ZNF85: variants seen among roughly 807,000 people sequenced by gnomAD.
ZNF85 encodes the protein zinc finger protein 85 (HPF4, HTF1).
A neutral mutation model predicts 53.9 loss-of-function variants in ZNF85; 50 were observed. The observed-to-expected ratio is 0.93, with a 90% confidence interval of 0.74 to 1.17. ZNF85 has a LOEUF of 1.17. Among genes scored for constraint, ZNF85 ranks in the 50% most tolerant of loss-of-function variants. The pLI is 0.00. For synonymous variants in ZNF85, 225 were observed against 226.1 expected (o/e 1.00, Z 0.04); for missense variants, 747 against 688.5 (o/e 1.08, Z -0.95).
intron 3 of ZNF85, among the ~76,000 whole-genome samples, chr19:20,946,992 T>A (rs1205290580): frequency 6.6e-6 from 1 of 151,650 alleles, no homozygotes; most frequent in African/African-American, 2.4e-5. Flanking sequence ...TTTAGTTGAT[T>A]CTTGTTTCTT....
intron 3 of ZNF85, among the ~76,000 whole-genome samples, chr19:20,947,830 C>T (rs1463783258): frequency 2.6e-5 from 4 of 151,350 alleles, no homozygotes; most frequent in Admixed American, 6.6e-5. Context: ...TTGTTGTTAT[C>T]CTCATTCTTC....
Position 20,950,522 on chromosome 19 carries a change from A to C in ZNF85, c.*220A>C, listed in dbSNP as rs951723201. On this transcript the variant is annotated 3_prime_UTR_variant, in exon 4 of 4. Coordinates refer to ENST00000328178, the MANE Select transcript of ZNF85 (RefSeq NM_003429.5). The stretch of plus-strand genomic sequence containing the variant: ...AGGTAAGATAATTCATATTGGAACA[A>C]ACTACAAGTGCAAACAATGTGGCAA... 2.4e-6 allele frequency: 1 copy of C among 411,504 alleles called. No individual in the cohort carries two copies. The highest frequency in any genetic ancestry group is 4.3e-6 in the Non-Finnish European group (1 of 235,242). 25.5% of individuals were successfully genotyped at this position (411,504 alleles called of 1,614,324 possible). A position where few individuals can be genotyped will look rare whatever the true frequency, so the allele number is the denominator to read the frequency against.
chr19:20,923,447 T>C lies in ZNF85; in HGVS notation c.3+44T>C, dbSNP rs141274564. 3.3e-4 allele frequency: 539 copies of C among 1,613,482 alleles called. 4 individuals are homozygous for C. The African/African-American group carries it at 6.6e-3, about 20-fold the overall frequency. On this transcript the variant is annotated intron_variant, in intron 1 of 3. Coordinates refer to ENST00000328178, the MANE Select transcript of ZNF85 (RefSeq NM_003429.5). Reference sequence around the variant, plus strand: ...CCATCCCGAGGGGGAAAGGGGTTGGTTGAAACCGGTGGGAAGCGGCTGTGG... The same window carrying C: ...CCATCCCGAGGGGGAAAGGGGTTGGCTGAAACCGGTGGGAAGCGGCTGTGG...
intron 1 of ZNF85, among the ~76,000 whole-genome samples, chr19:20,933,436 G>GA (rs1314499107): frequency 9.2e-5 from 14 of 151,582 alleles, no homozygotes; most frequent in African/African-American, 3.4e-4. Context: ...TTACAGGCCA[G>GA]AAAAATTAGG....
chr19:20,935,286 C>T (rs1413570924), intron 3 of ZNF85, among the ~76,000 whole-genome samples: 1 of 152,178 alleles, frequency 6.6e-6, no homozygotes, highest in South Asian at 2.1e-4. Flanking sequence ...GCAGTTAGAG[C>T]CAAAGTCCTC....
At chr19:20,942,871 G>C (rs754462196) in intron 3 of ZNF85, 5 of 694,504 alleles carry the variant, frequency 7.2e-6, no homozygotes, top group Admixed American at 6.1e-5. Context: ...AACCTTCTGG[G>C]GTCAAGTGAT....
chr19:20,946,515 G>A (rs879064419), intron 3 of ZNF85: 37 of 220,016 alleles, frequency 1.7e-4, no homozygotes, highest in Non-Finnish European at 2.8e-4. Context: ...GTGTTTCATC[G>A]ATTCTGTCAA....
At position 20,949,106 on chromosome 19, in the gene ZNF85, A is replaced by G. The variant is rs943893493; in HGVS notation, c.592A>G (p.Arg198Gly). ...AACTGAACATAGCAGAATTCATACTAGAGTAAATTTCTACAAATGTGAAGA... is the reference window on the plus strand; with the variant it reads ...AACTGAACATAGCAGAATTCATACTGGAGTAAATTTCTACAAATGTGAAGA... ...CLTEHSRIHT[R>G]VNFYKCEECG... Residue 198 changes from arginine (R) to glycine (G), a missense_variant, in exon 4 of 4, where the codon AGA (arginine) becomes GGA (glycine). Transcript: ENST00000328178. 1.9e-6 allele frequency: 3 copies of G among 1,613,568 alleles called. No individual in the cohort carries two copies. The highest frequency in any genetic ancestry group is 8.5e-7 in the Non-Finnish European group (1 of 1,179,716).
chr19:20,927,846 C>T, intron 1 of ZNF85: 1 of 152,410 alleles, frequency 6.6e-6, no homozygotes, highest in East Asian at 1.9e-4. Context: ...CATGCCACTA[C>T]ACTCCACCCT....
intron 3 of ZNF85, among the ~76,000 whole-genome samples, chr19:20,941,453 G>A (rs1973293678): frequency 1.3e-5 from 2 of 152,092 alleles, no homozygotes; most frequent in African/African-American, 4.8e-5. Context: ...AGTAGAGACG[G>A]GGTTTCACCG....
rs545150668 is a variant in ZNF85, at chr19:20,929,873, C to T, written c.4-4151C>T. Among the ~76,000 whole-genome samples the T allele has an allele frequency of 2.6e-5, 4 of 152,288 alleles. No individual in the cohort carries two copies. In the South Asian group the frequency reaches 8.3e-4, roughly 32 times the overall value. On this transcript the variant is annotated intron_variant, in intron 1 of 3. Transcript: ENST00000328178. ...TGGTGGCTTACGCCTATAATCCCAG[C>T]ACTTTGGGAGGCCAAAGCAGGCAGA... is the stretch of plus-strand genomic sequence containing the variant.
In ZNF85 at chr19:20,950,253, T is replaced by A; in HGVS notation, c.1739T>A (p.Val580Asp). 6 of 1,583,248 alleles carry A rather than the reference T, an allele frequency of 3.8e-6. No individual in the cohort carries two copies. The highest frequency in any genetic ancestry group is 5.1e-6 in the Non-Finnish European group (6 of 1,169,614). ...GACAAAGCTTTTAAATGGTCCTCAG[T>A]CCTTACTAAACATAAGATAATTCAT... ...ECDKAFKWSS[V>D]LTKHKIIHTG... The change falls in exon 4 of 4, where the codon GTC becomes GAC. Residue 580 changes from valine to aspartate, a missense_variant. Transcript: ENST00000328178.
Position 20,949,631 on chromosome 19 carries a change from G to A in ZNF85, c.1117G>A (p.Glu373Lys), listed in dbSNP as rs747167291. 1 of 1,612,166 alleles carries A rather than the reference G, an allele frequency of 6.2e-7. No homozygotes were observed. The highest frequency in any genetic ancestry group is 8.5e-7 in the Non-Finnish European group (1 of 1,179,366). Reference protein sequence around the residue: ...IHTGEKPYKCEKCGKAFNHFS... With the variant: ...IHTGEKPYKCKKCGKAFNHFS... ...TACTGGAGAGAAACCCTACAAATGT[G>A]AAAAATGTGGAAAAGCCTTTAATCA... Residue 373 changes from glutamate to lysine, a missense_variant, in exon 4 of 4, where the codon GAA (glutamate) becomes AAA (lysine). Glu to Lys is a moderately conservative substitution (Grantham distance 56). Coordinates refer to ENST00000328178, the MANE Select transcript of ZNF85 (RefSeq NM_003429.5).
chr19:20,934,890 C>G (rs1439497948), intron 2 of ZNF85, 59 bp from the exon 3 acceptor site: 4 of 1,124,526 alleles, frequency 3.6e-6, no homozygotes, highest in African/African-American at 3.2e-5. Context: ...AAGCACATTA[C>G]TAGATTGGTC....
At chr19:20,947,913 T>C (rs1973462118) in intron 3 of ZNF85, among the ~76,000 whole-genome samples, 1 of 152,090 alleles carries the variant, frequency 6.6e-6, no homozygotes, top group Non-Finnish European at 1.5e-5. Context: ...CTAATTTGTA[T>C]ATCTTTATTT....
chr19:20,944,647 A>AT (rs58497916), intron 3 of ZNF85, among the ~76,000 whole-genome samples: 3 of 150,588 alleles, frequency 2.0e-5, no homozygotes, highest in Admixed American at 6.6e-5. Flanking sequence ...TTATTCTATG[A>AT]TTTTTTTTCA....
At chr19:20,935,472 T>C (rs73005133) in intron 3 of ZNF85, among the ~76,000 whole-genome samples, 19,008 of 152,240 alleles carry the variant, frequency 0.12, 1,226 homozygotes, top group South Asian at 0.15. Context: ...TTTTTTTGTT[T>C]GTTTTTCTGC....
At chr19:20,929,052 T>C (rs1647643206) in intron 1 of ZNF85, among the ~76,000 whole-genome samples, 1 of 152,042 alleles carries the variant, frequency 6.6e-6, no homozygotes, top group African/African-American at 2.4e-5. Context: ...TTACTAGGCC[T>C]CAGTGTCTGT....
At position 20,949,600 on chromosome 19, in the gene ZNF85, A is replaced by G. The variant is rs373644714; in HGVS notation, c.1086A>G (p.Val362=). 8 of 1,601,914 alleles carry G rather than the reference A, an allele frequency of 5.0e-6. No individual in the cohort carries two copies. The African/African-American group carries it at 8.1e-5, about 16-fold the overall frequency. The change falls in exon 4 of 4, where the codon GTA becomes GTG. Residue 362 remains valine, a synonymous_variant. Coordinates refer to ENST00000328178, the MANE Select transcript of ZNF85 (RefSeq NM_003429.5). Reference sequence around the variant, plus strand: ...CTGCACACCTTACCACACATGAGGTAATTCATACTGGAGAGAAACCCTACA... The same window carrying G: ...CTGCACACCTTACCACACATGAGGTGATTCATACTGGAGAGAAACCCTACA... The part of the protein sequence containing the change: ...NQSAHLTTHE[V]IHTGEKPYKC...
Sources: allele counts gnomAD v4.1 joint callset (sites outside exome capture counted in the v4.1 genomes callset), GRCh38; gene constraint gnomAD v4.1.1; transcripts MANE v1.5; gene names NCBI Gene and HGNC (gene_info 2026-07-23, HGNC 2026-07-21).